The following PPP2R2B variants were observed in gnomAD, a reference collection of about 807,000 sequenced individuals.
The protein encoded by PPP2R2B is protein phosphatase 2 regulatory subunit Bbeta, also known as serine/threonine-protein phosphatase 2A 55 kDa regulatory subunit B beta isoform.
Under a neutral mutation model 46.0 loss-of-function variants are expected in PPP2R2B, and 5 were observed. The observed-to-expected ratio is 0.11, with a 90% CI of 0.06 to 0.23. PPP2R2B has a LOEUF of 0.23. PPP2R2B is among the 10% of genes least tolerant of loss of function. The pLI is 1.00. For missense variants in PPP2R2B, 367 were observed against 575.0 expected, an observed-to-expected ratio of 0.64 and a Z score of 3.70; for synonymous variants, 215 against 206.7, an observed-to-expected ratio of 1.04 and a Z score of -0.34.
chr5:146,682,977 G>C (rs1289620836), intron 5 of PPP2R2B, among the ~76,000 whole-genome samples: 2 of 152,172 alleles, frequency 1.3e-5, no homozygotes, highest in Non-Finnish European at 2.9e-5. Flanking sequence ...CTCTACTTTT[G>C]AGTAGAGAGA....
chr5:146,938,954 G>A (rs965767037), intron 1 of PPP2R2B, among the ~76,000 whole-genome samples: 1 of 151,680 alleles, frequency 6.6e-6, no homozygotes, highest in African/African-American at 2.4e-5. Flanking sequence ...CTAATTTTTT[G>A]TATTTTAGTA....
At chr5:146,770,162 C>G (rs909806495) in intron 2 of PPP2R2B, among the ~76,000 whole-genome samples, 113 of 151,716 alleles carry the variant, frequency 7.4e-4, no homozygotes, top group African/African-American at 2.6e-3. Context: ...AACCCCGTCT[C>G]TACTAAAAAT....
chr5:146,628,254 A>C (rs1774193605), intron 7 of PPP2R2B, among the ~76,000 whole-genome samples: 1 of 152,196 alleles, frequency 6.6e-6, no homozygotes, highest in African/African-American at 2.4e-5. Context: ...CTAACATCTC[A>C]GATTTTAAGG....
intron 5 of PPP2R2B, among the ~76,000 whole-genome samples, chr5:146,664,370 C>A (rs1191377814): frequency 6.6e-6 from 1 of 152,158 alleles, no homozygotes; most frequent in Admixed American, 6.6e-5. Flanking sequence ...GTCATTTCAA[C>A]AAGATTCACA....
chr5:146,606,611 T>G (rs999901870), intron 7 of PPP2R2B, among the ~76,000 whole-genome samples: 3 of 152,184 alleles, frequency 2.0e-5, no homozygotes, highest in Admixed American at 1.3e-4. Flanking sequence ...AATGCAGAAG[T>G]AGGCATTGCT....
At chr5:146,640,521 G>A (rs1319377067) in intron 6 of PPP2R2B, among the ~76,000 whole-genome samples, 1 of 152,220 alleles carries the variant, frequency 6.6e-6, no homozygotes, top group Admixed American at 6.5e-5. Context: ...GTAAACGGAG[G>A]TTAGTTTTCA....
At chr5:146,747,305 A>G (rs147751635) in intron 2 of PPP2R2B, among the ~76,000 whole-genome samples, 59 of 152,322 alleles carry the variant, frequency 3.9e-4, no homozygotes, top group African/African-American at 1.4e-3. Context: ...GAAAGATCCC[A>G]GTAGAGCAGC....
intron 2 of PPP2R2B, among the ~76,000 whole-genome samples, chr5:146,783,856 G>T (rs1212103970): frequency 6.6e-6 from 1 of 152,214 alleles, no homozygotes; most frequent in Non-Finnish European, 1.5e-5. Context: ...GGGATAGGAA[G>T]AGCAAGAAGG....
intron 1 of PPP2R2B, among the ~76,000 whole-genome samples, chr5:146,908,525 A>AT (rs60166631): frequency 0.11 from 15,831 of 143,038 alleles, 1,115 homozygotes; most frequent in African/African-American, 0.21. Flanking sequence ...AAATTGTTAG[A>AT]TTTTTTTTTT....
intron 5 of PPP2R2B, among the ~76,000 whole-genome samples, chr5:146,654,498 T>C (rs974125394): frequency 6.6e-6 from 1 of 152,222 alleles, no homozygotes; most frequent in African/African-American, 2.4e-5. Flanking sequence ...GGTGTATGGA[T>C]GTGACATCAA....
chr5:146,812,338 A>G (rs1303959143), intron 2 of PPP2R2B, among the ~76,000 whole-genome samples: 4 of 149,662 alleles, frequency 2.7e-5, no homozygotes, highest in African/African-American at 9.9e-5. Flanking sequence ...GGAGCCTAGT[A>G]GATCTAAGGA....
chr5:146,923,188 T>C (rs1005915053), intron 1 of PPP2R2B, among the ~76,000 whole-genome samples: 2 of 152,198 alleles, frequency 1.3e-5, no homozygotes, highest in East Asian at 1.9e-4. Flanking sequence ...ATTCTCAATA[T>C]ATCTAGGTGA....
At chr5:146,963,501 C>T (rs143180295) in intron 1 of PPP2R2B, among the ~76,000 whole-genome samples, 229 of 152,282 alleles carry the variant, frequency 1.5e-3, no homozygotes, top group African/African-American at 5.0e-3. Context: ...ATTTCTTATC[C>T]TTTTGCCCTG....
chr5:146,683,320 T>C (rs971685933), intron 5 of PPP2R2B, among the ~76,000 whole-genome samples: 3 of 152,160 alleles, frequency 2.0e-5, no homozygotes, highest in Non-Finnish European at 4.4e-5. Context: ...TTCAGATGCA[T>C]ATATTAGGCA....
chr5:146,977,856 A>G (rs932108646), intron 1 of PPP2R2B, among the ~76,000 whole-genome samples: 7 of 152,210 alleles, frequency 4.6e-5, no homozygotes, highest in African/African-American at 1.7e-4. Flanking sequence ...GTGTCTTTAT[A>G]GTAGAATGAT....
intron 2 of PPP2R2B, chr5:146,706,345 G>A (rs1475071843): frequency 1.7e-6 from 1 of 595,974 alleles, no homozygotes; most frequent in Non-Finnish European, 3.1e-6. Flanking sequence ...TCAGGCCGTA[G>A]CTGAGGCCAG....
At chr5:147,007,516 G>A (rs961509398) in intron 1 of PPP2R2B, among the ~76,000 whole-genome samples, 2 of 152,106 alleles carry the variant, frequency 1.3e-5, no homozygotes, top group African/African-American at 4.8e-5. Context: ...GGCCAAATAA[G>A]GGAATAAAAG....
At chr5:146,720,244 A>G (rs1780720874) in intron 2 of PPP2R2B, among the ~76,000 whole-genome samples, 1 of 152,188 alleles carries the variant, frequency 6.6e-6, no homozygotes, top group Non-Finnish European at 1.5e-5. Context: ...GAATGAAAAA[A>G]CAGTCAAAAC....
chr5:146,953,600 A>G (rs963520226), intron 1 of PPP2R2B, among the ~76,000 whole-genome samples: 2 of 152,204 alleles, frequency 1.3e-5, no homozygotes, highest in Non-Finnish European at 2.9e-5. Flanking sequence ...AATTTGCTAA[A>G]TTATCAGAAG....
Sources: gnomAD v4.1 joint callset for allele counts (sites outside exome capture counted in the v4.1 genomes callset) on GRCh38, gnomAD v4.1.1 for gene constraint, MANE v1.5 for transcripts, NCBI Gene and HGNC (gene_info 2026-07-23, HGNC 2026-07-21) for gene names.